The following DNAH1 variants were observed in gnomAD, a reference collection of about 807,000 sequenced individuals.
DNAH1 encodes the protein dynein axonemal heavy chain 1, also known as axonemal beta dynein heavy chain 1.
Under a neutral mutation model 484.3 loss-of-function variants are expected in DNAH1, and 327 were observed. The ratio of observed to expected loss-of-function variants is 0.68; its 90% CI spans 0.62 to 0.74. The LOEUF (loss-of-function observed/expected upper bound fraction) is 0.74. DNAH1 is among the 30% of genes least tolerant of loss of function. The pLI, the probability that DNAH1 is intolerant of heterozygous loss-of-function variation, is 0.00. For missense variants in DNAH1, 5,052 were observed against 5,546.8 expected (o/e 0.91, Z 2.83); for synonymous variants, 2,192 against 2,191.9 (o/e 1.00, Z 0.00).
rs1702254842 is a variant in DNAH1 at position 52,348,927 on chromosome 3, C to G, written c.2146C>G (p.Leu716Val). 1 of 1,613,434 alleles carries G rather than the reference C, an allele frequency of 6.2e-7. No individual in the cohort carries two copies. Among genetic ancestry groups the G allele is most frequent in the Non-Finnish European group, 8.5e-7 (1 of 1,179,870 alleles). Residue 716 changes from leucine (L) to valine (V), a missense_variant, in exon 13 of 78, where the codon CTG (leucine) becomes GTG (valine). This residue lies in a region of DNAH1 where 1,263 missense variants were observed against 1,218.8 expected (regional missense o/e 1.04). Transcript: ENST00000420323. ...EDIFISGDPL[L>V]ESVGLHEPLV... ...CATCTTCATCAGCGGTGACCCCCTG[C>G]TGGAGTCCGTGGGCCTTCATGAGCC...
At position 52,344,550 on chromosome 3, in the gene DNAH1, G is replaced by A; in HGVS notation, c.1347G>A (p.Met449Ile). The change falls in exon 9 of 78, where the codon ATG becomes ATA. Residue 449 changes from methionine (M) to isoleucine (I), a missense_variant. Around this residue, in one of 4 missense-constraint regions of DNAH1, gnomAD observed 1,263 missense variants for 1,218.8 expected, o/e 1.04. Coordinates refer to ENST00000420323, the MANE Select transcript of DNAH1 (RefSeq NM_015512.5). Reference sequence around the variant, plus strand: ...TGAGCCTGGACTATGAGCGCAGCATGAACAAGATCAACTTTGACCACGTTG... The same window carrying A: ...TGAGCCTGGACTATGAGCGCAGCATAAACAAGATCAACTTTGACCACGTTG... ...REVSLDYERS[M>I]NKINFDHVVS... The A allele has an allele frequency of 6.2e-7, 1 of 1,614,022 alleles. No homozygotes were observed. The highest frequency in any genetic ancestry group is 1.3e-5 in the African/African-American group (1 of 75,058).
At chr3:52,388,125 CCTTGAGAAGCAGCCT>C (rs1559562433) in intron 56 of DNAH1, 27 bp from the exon 57 acceptor site, 6 of 1,583,300 alleles carry the variant, frequency 3.8e-6, no homozygotes, top group Non-Finnish European at 4.3e-6. Context: ...CCCCTGTCAC[CCTTGAGAAGCAGCCT>C]CTTGAGACCC....
rs1702540006 is a variant in DNAH1, at chr3:52,354,825, G to A, written c.3481-18G>A. 1 of 1,611,922 alleles carries A rather than the reference G, an allele frequency of 6.2e-7. No individual in the cohort carries two copies. Among genetic ancestry groups the A allele is most frequent in the African/African-American group, 1.3e-5 (1 of 74,870 alleles). ...CCAGCCCCTCCCAGGACTCAGCCTG[G>A]CTTGTCCCCGACCCCAGGCACTGGA... On this transcript the variant is annotated intron_variant, in intron 20 of 77. Coordinates refer to ENST00000420323, the MANE Select transcript of DNAH1 (RefSeq NM_015512.5).
chr3:52,350,624 G>A (rs370533795), intron 16 of DNAH1, 34 bp downstream of exon 16: 1 of 1,600,586 alleles, frequency 6.2e-7, no homozygotes, highest in African/African-American at 1.3e-5. Context: ...GCCAGGTGCG[G>A]GGTGGAGCAT....
chr3:52,380,199 C>A, intron 48 of DNAH1, 64 bp downstream of exon 48: 1 of 1,422,496 alleles, frequency 7.0e-7, no homozygotes, highest in Non-Finnish European at 9.6e-7. Flanking sequence ...TCCCTGGGGC[C>A]CAGGCCCCCT....
chr3:52,351,954 C>G lies in DNAH1; in HGVS notation c.2730-8C>G. On this transcript the variant is annotated splice_polypyrimidine_tract_variant and splice_region_variant and intron_variant, in intron 16 of 77. Transcript: ENST00000420323. Reference sequence around the variant, plus strand: ...ATTTCTCCCAATCCCCACCCCCATCCCGGCCAGATGGATTGCCAGCAACTG... The same window carrying G: ...ATTTCTCCCAATCCCCACCCCCATCGCGGCCAGATGGATTGCCAGCAACTG... The G allele has an allele frequency of 6.3e-7, 1 of 1,598,824 alleles. No homozygotes were observed. Among genetic ancestry groups the G allele is most frequent in the Non-Finnish European group, 8.5e-7 (1 of 1,173,058 alleles).
intron 8 of DNAH1, among the ~76,000 whole-genome samples, chr3:52,337,612 G>A (rs919944649): frequency 3.3e-5 from 5 of 152,138 alleles, no homozygotes; most frequent in African/African-American, 9.7e-5. Flanking sequence ...TATGTGTATT[G>A]TAATATAATG....
In DNAH1 at chr3:52,361,087, GTC is replaced by G; in HGVS notation, c.4686-76_4686-75del. On this transcript the variant is annotated intron_variant, in intron 28 of 77. Coordinates refer to ENST00000420323, the MANE Select transcript of DNAH1 (RefSeq NM_015512.5). This position sits in a 1 kb window ranked among gnomAD's most constrained non-coding sequence, Gnocchi z 5.6. Reference sequence around the variant, plus strand: ...AAAGGGGACGGGGCGAGAGGCCCCAGTCCACAGGAAATTCCAAGGAAAGGGGG... The same window carrying G: ...AAAGGGGACGGGGCGAGAGGCCCCAGCACAGGAAATTCCAAGGAAAGGGGG... The G allele has an allele frequency of 7.5e-7, 1 of 1,341,288 alleles. No homozygotes were observed. The allele number at this position is 1,341,288 out of a possible 1,614,324, so 83.1% of individuals were successfully genotyped here.
intron 17 of DNAH1, 139 bp from the exon 18 acceptor site, chr3:52,352,413 G>A: frequency 8.2e-7 from 1 of 1,219,794 alleles, no homozygotes; most frequent in Non-Finnish European, 1.1e-6. Flanking sequence ...TGAGGAACCT[G>A]CTCACTCCAG....
chr3:52,386,328 A>G lies in DNAH1; in HGVS notation c.8794A>G (p.Lys2932Glu), dbSNP rs921570434. The G allele has an allele frequency of 2.5e-6, 4 of 1,584,950 alleles. No homozygotes were observed. The African/African-American group carries it at 5.4e-5, about 21-fold the overall frequency. The change falls in exon 55 of 78, where the codon AAG becomes GAG. Residue 2932 changes from lysine to glutamate, a missense_variant. This residue lies in a region of DNAH1 where 2,929 missense variants were observed against 3,409.4 expected (regional missense o/e 0.86). Transcript: ENST00000420323. ...AALASLRNLN[K>E]NDVTEVRAMQ... is the part of the protein sequence containing the mutation. ...TCTGGCCAGCCTGCGCAACCTCAAC[A>G]AGAACGATGTGACCGAGGTGGGCAG...
At position 52,381,605 on chromosome 3, in the gene DNAH1, G is replaced by T; in HGVS notation, c.7609-35G>T. On this transcript the variant is annotated intron_variant, in intron 48 of 77. Coordinates refer to ENST00000420323, the MANE Select transcript of DNAH1 (RefSeq NM_015512.5). This position sits in a 1 kb window ranked among gnomAD's most constrained non-coding sequence, Gnocchi z 4.1. ...ATCGGGGAGACCCTACAGTAAGAGA[G>T]ACCCCGCCTTCCCCATCCTCGCCTT... 6.4e-7 allele frequency: 1 copy of T among 1,555,662 alleles called. No individual in the cohort carries two copies. Among genetic ancestry groups the T allele is most frequent in the East Asian group, 2.4e-5 (1 of 42,040 alleles).
At position 52,399,713 on chromosome 3, in the gene DNAH1, C is replaced by G. The variant is rs776182785; in HGVS notation, c.12610C>G (p.Pro4204Ala). The G allele has an allele frequency of 1.2e-6, 2 of 1,614,030 alleles. No homozygotes were observed. Among genetic ancestry groups the G allele is most frequent in the Admixed American group, 3.3e-5 (2 of 60,028 alleles). ...GGCCGTTATCTGGCTCTTGCCAACA[C>G]CCAACCGCAAGGCCCAGGACCAGGA... ...EMAVIWLLPT[P>A]NRKAQDQDFY... Residue 4204 changes from proline (P) to alanine (A), a missense_variant, in exon 77 of 78, where the codon CCC (proline) becomes GCC (alanine). Physicochemically the swap from Pro to Ala is conservative, Grantham distance 27. This residue lies in a region of DNAH1 where 853 missense variants were observed against 899.0 expected (regional missense o/e 0.95). Coordinates refer to ENST00000420323, the MANE Select transcript of DNAH1 (RefSeq NM_015512.5).
At chr3:52,315,910 T>A (rs373743746), upstream of DNAH1, among the ~76,000 whole-genome samples, 2 of 152,308 alleles carry the variant, frequency 1.3e-5, no homozygotes, top group East Asian at 3.9e-4. Flanking sequence ...GGCAGTCATA[T>A]CCACAGCCCG....
At chr3:52,357,538 G>A in intron 22 of DNAH1, 76 bp from the exon 23 acceptor site, 1 of 1,533,748 alleles carries the variant, frequency 6.5e-7, no homozygotes, top group Non-Finnish European at 8.8e-7. Context: ...GCTGGTGTGG[G>A]TGCTCTGGGA....
At position 52,355,051 on chromosome 3, in the gene DNAH1, C is replaced by T. The variant is rs750883947; in HGVS notation, c.3689C>T (p.Thr1230Ile). 7.4e-6 allele frequency: 12 copies of T among 1,613,072 alleles called. No homozygotes were observed. Among genetic ancestry groups the T allele is most frequent in the Admixed American group, 1.7e-5 (1 of 59,992 alleles). Reference protein sequence around the residue: ...INSWENKLKLTQEVLEEWLNC... With the variant: ...INSWENKLKLIQEVLEEWLNC... ...TCCTGGGAGAACAAACTGAAGCTGA[C>T]CCAGGTCGGCCCTCCCCCCAGTCCT... Residue 1230 changes from threonine to isoleucine, a missense_variant, in exon 21 of 78, where the codon ACC becomes ATC. Around this residue, in one of 4 missense-constraint regions of DNAH1, gnomAD observed 2,929 missense variants for 3,409.4 expected, o/e 0.86. Transcript: ENST00000420323. This position sits in a 1 kb window ranked among gnomAD's most constrained non-coding sequence, Gnocchi z 4.5.
Position 52,362,258 on chromosome 3 carries a change from C to A in DNAH1, c.4981-130C>A. On this transcript the variant is annotated intron_variant, in intron 30 of 77. Coordinates refer to ENST00000420323, the MANE Select transcript of DNAH1 (RefSeq NM_015512.5). This position sits in a 1 kb window ranked among gnomAD's most constrained non-coding sequence, Gnocchi z 5.1. ...CCTGAGAGAGGATACAACCCATGAT[C>A]AGGGGTCCAGGCCTGGCCTACCAGC... 1.4e-6 allele frequency: 1 copy of A among 725,650 alleles called. No individual in the cohort carries two copies. The highest frequency in any genetic ancestry group is 1.8e-5 in the African/African-American group (1 of 56,944). 45.0% of individuals were successfully genotyped at this position (725,650 alleles called of 1,614,324 possible).
At chr3:52,332,101 C>G (rs1349796279) in intron 7 of DNAH1, 41 bp from the exon 8 acceptor site, 1 of 1,535,406 alleles carries the variant, frequency 6.5e-7, no homozygotes, top group Non-Finnish European at 8.8e-7. Flanking sequence ...GCCCAGAAAG[C>G]CTGATTGTGT....
rs1024172539 is a variant in DNAH1, at chr3:52,360,372, T to C, written c.4633T>C (p.Tyr1545His). 20 of 1,613,996 alleles carry C rather than the reference T, an allele frequency of 1.2e-5. No homozygotes were observed. Among genetic ancestry groups the C allele is most frequent in the Non-Finnish European group, 1.6e-5 (19 of 1,179,880 alleles). Reference sequence around the variant, plus strand: ...TGTGAATGCTGAGTTCATCTATGGCTATGAGTACCTGGGCAACAGTGGGAG... The same window carrying C: ...TGTGAATGCTGAGTTCATCTATGGCCATGAGTACCTGGGCAACAGTGGGAG... ...RAVNAEFIYG[Y>H]EYLGNSGRLV... Residue 1545 changes from tyrosine to histidine, a missense_variant, in exon 28 of 78, where the codon TAT becomes CAT. Tyr to His is a moderately conservative substitution (Grantham distance 83, BLOSUM62 2). Around this residue, in one of 4 missense-constraint regions of DNAH1, gnomAD observed 2,929 missense variants for 3,409.4 expected, o/e 0.86. Coordinates refer to ENST00000420323, the MANE Select transcript of DNAH1 (RefSeq NM_015512.5).
Position 52,354,903 on chromosome 3 carries a change from G to A in DNAH1, c.3541G>A (p.Ala1181Thr). 6.2e-7 allele frequency: 1 copy of A among 1,613,968 alleles called. No homozygotes were observed. The highest frequency in any genetic ancestry group is 1.3e-5 in the African/African-American group (1 of 75,022). The change falls in exon 21 of 78, where the codon GCG (alanine) becomes ACG (threonine). Residue 1181 changes from alanine (A) to threonine (T), a missense_variant. Ala to Thr is a moderately conservative substitution (Grantham distance 58). Around this residue, in one of 4 missense-constraint regions of DNAH1, gnomAD observed 2,929 missense variants for 3,409.4 expected, o/e 0.86. Transcript: ENST00000420323. ...CCTGTTCAATGTACTGCCCTACAAG[G>A]CGACAGACACCTACATCCTGAAGAG... is the stretch of plus-strand genomic sequence containing the variant. ...TILFNVLPYK[A>T]TDTYILKSPD...
Sources: gnomAD v4.1 joint callset for allele counts (sites outside exome capture counted in the v4.1 genomes callset) on GRCh38, gnomAD v4.1.1 for gene constraint, gnomAD v4.1.1 regional missense constraint, Gnocchi (gnomAD v3.1) non-coding constraint, MANE v1.5 for transcripts, NCBI Gene and HGNC (gene_info 2026-07-23, HGNC 2026-07-21) for gene names.